Variants in RAB31 observed in about 807,000 individuals in gnomAD.
RAB31 encodes the protein ras-related protein Rab-31.
Under a neutral mutation model 25.6 loss-of-function variants are expected in RAB31, and 21 were observed. That is an observed-to-expected ratio of 0.82 (90% confidence interval 0.58 to 1.18). The LOEUF (loss-of-function observed/expected upper bound fraction) is 1.18. RAB31 is among the 50% of genes most tolerant of loss of function. The pLI, the probability that RAB31 is intolerant of heterozygous loss-of-function variation, is 0.00. For missense variants in RAB31, 196 were observed against 250.1 expected, an observed-to-expected ratio of 0.78 and a Z score of 1.46; for synonymous variants, 87 against 84.0, an observed-to-expected ratio of 1.04 and a Z score of -0.20.
intron 1 of RAB31, among the ~76,000 whole-genome samples, chr18:9,727,408 G>A (rs28597876): frequency 0.072 from 11,009 of 152,176 alleles, 1,334 homozygotes; most frequent in African/African-American, 0.25. Context: ...CCTCAAACTC[G>A]CAGGCTCACA....
rs1364254253 is a variant in RAB31, at chr18:9,861,534, G to T, written c.*2209G>T. The T allele has an allele frequency of 6.6e-6, 1 of 152,140 alleles. No homozygotes were observed. The highest frequency in any genetic ancestry group is 6.6e-5 in the Admixed American group (1 of 15,258). 9.4% of individuals were successfully genotyped at this position (152,140 alleles called of 1,614,324 possible). A position where few individuals can be genotyped will look rare whatever the true frequency, so the allele number is the denominator to read the frequency against. On this transcript the variant is annotated 3_prime_UTR_variant, in exon 7 of 7. Transcript: ENST00000578921. ...GCACACCAGGATTCACATAAACATT[G>T]TATCTTCTCTGTGGATGCTCAGGCC...
chr18:9,804,123 A>G (rs1254890575), intron 3 of RAB31, among the ~76,000 whole-genome samples: 1 of 152,222 alleles, frequency 6.6e-6, no homozygotes, highest in African/African-American at 2.4e-5. Flanking sequence ...CTGCGTGGAC[A>G]GGCTTCTTCT....
chr18:9,829,652 G>A (rs942843836), intron 5 of RAB31, among the ~76,000 whole-genome samples: 74 of 152,226 alleles, frequency 4.9e-4, no homozygotes, highest in African/African-American at 1.6e-3. Context: ...TATGCCAATC[G>A]TGTGTGAGAC....
intron 3 of RAB31, among the ~76,000 whole-genome samples, chr18:9,798,211 T>C (rs2068495997): frequency 6.6e-6 from 1 of 152,138 alleles, no homozygotes; most frequent in African/African-American, 2.4e-5. Context: ...TTGTGGAGAG[T>C]GTGTGACTGA....
intron 1 of RAB31, among the ~76,000 whole-genome samples, chr18:9,751,867 C>T (rs765070412): frequency 1.8e-4 from 27 of 152,180 alleles, no homozygotes; most frequent in Non-Finnish European, 3.5e-4. Context: ...GAGAGAACAT[C>T]AGAGGGTCAC....
chr18:9,757,741 G>A (rs2068267243), intron 1 of RAB31, among the ~76,000 whole-genome samples: 2 of 152,234 alleles, frequency 1.3e-5, no homozygotes, highest in Non-Finnish European at 2.9e-5. Context: ...TTTGGGGAAT[G>A]TGCAGGAATG....
At chr18:9,807,428 C>T (rs1166028700) in intron 3 of RAB31, among the ~76,000 whole-genome samples, 1 of 151,962 alleles carries the variant, frequency 6.6e-6, no homozygotes, top group Non-Finnish European at 1.5e-5. Flanking sequence ...GCTTTCCCCG[C>T]AAATGCATAT....
chr18:9,759,642 G>A (rs1423141523), intron 1 of RAB31, among the ~76,000 whole-genome samples: 1 of 152,132 alleles, frequency 6.6e-6, no homozygotes, highest in African/African-American at 2.4e-5. Flanking sequence ...CAGAGGTGTG[G>A]TGATGAGGAC....
At chr18:9,769,280 T>C (rs1453646575) in intron 1 of RAB31, among the ~76,000 whole-genome samples, 4 of 152,228 alleles carry the variant, frequency 2.6e-5, no homozygotes, top group South Asian at 2.1e-4. Context: ...ATAAATTACT[T>C]TGGGCAGTAT....
At chr18:9,726,548 C>T (rs965742381) in intron 1 of RAB31, among the ~76,000 whole-genome samples, 1 of 152,112 alleles carries the variant, frequency 6.6e-6, no homozygotes. Flanking sequence ...GCCTCTTCTC[C>T]CAGACTGTTT....
At chr18:9,823,660 TG>T (rs1422917257) in intron 5 of RAB31, among the ~76,000 whole-genome samples, 11 of 152,190 alleles carry the variant, frequency 7.2e-5, no homozygotes, top group Admixed American at 4.6e-4. Context: ...GGTGAGGGTA[TG>T]TGTGATACAT....
chr18:9,728,662 C>T (rs1157682448), intron 1 of RAB31, among the ~76,000 whole-genome samples: 6 of 152,048 alleles, frequency 3.9e-5, no homozygotes, highest in African/African-American at 1.4e-4. Context: ...CTCAGCCTAC[C>T]GAGTAGCTGG....
chr18:9,792,051 C>CT lies in RAB31; in HGVS notation c.120-98dup, dbSNP rs35606686. On this transcript the variant is annotated intron_variant, in intron 2 of 6. Coordinates refer to ENST00000578921, the MANE Select transcript of RAB31 (RefSeq NM_006868.4). ...TCTTAGTGGTTCCCAAGGACCAGGG[C>CT]TTTTTGGGGTCCTGCTGAGGTGTAG... 7.6e-6 allele frequency: 11 copies of CT among 1,452,980 alleles called. No individual in the cohort carries two copies. In the African/African-American group the frequency reaches 9.9e-5, roughly 13 times the overall value. The allele number at this position is 1,452,980 out of a possible 1,614,324, so 90.0% of individuals were successfully genotyped here.
At chr18:9,836,993 C>T (rs1389549044) in intron 5 of RAB31, among the ~76,000 whole-genome samples, 4 of 146,906 alleles carry the variant, frequency 2.7e-5, no homozygotes, top group Admixed American at 2.0e-4. Flanking sequence ...CGGGGTGAAA[C>T]ACAAAGGGGA....
chr18:9,806,025 A>ATT (rs1352275369), intron 3 of RAB31, among the ~76,000 whole-genome samples: 7 of 149,402 alleles, frequency 4.7e-5, no homozygotes, highest in Non-Finnish European at 6.0e-5. Context: ...AAATACAAAA[A>ATT]AAGTAGCCAG....
At chr18:9,779,157 ACT>A (rs1360865610) in intron 2 of RAB31, among the ~76,000 whole-genome samples, 2 of 152,082 alleles carry the variant, frequency 1.3e-5, no homozygotes, top group Non-Finnish European at 2.9e-5. Flanking sequence ...GTCTATGGAA[ACT>A]CTCTGCACTT....
At chr18:9,786,861 G>A (rs938793030) in intron 2 of RAB31, 1 of 152,602 alleles carries the variant, frequency 6.6e-6, no homozygotes, top group African/African-American at 2.4e-5. Flanking sequence ...TTGGAAAGAC[G>A]TGAAGCCATG....
intron 1 of RAB31, among the ~76,000 whole-genome samples, chr18:9,746,776 T>C (rs2068208015): frequency 6.6e-6 from 1 of 152,212 alleles, no homozygotes; most frequent in African/African-American, 2.4e-5. Flanking sequence ...CAATTCAAAA[T>C]GCTCAATGAC....
chr18:9,804,358 G>C (rs558013082), intron 3 of RAB31, among the ~76,000 whole-genome samples: 4 of 152,300 alleles, frequency 2.6e-5, no homozygotes, highest in Admixed American at 2.6e-4. Context: ...GGGATGCCCT[G>C]AGTAGCTTCT....
Sources: allele counts gnomAD v4.1 joint callset (sites outside exome capture counted in the v4.1 genomes callset), GRCh38; gene constraint gnomAD v4.1.1; transcripts MANE v1.5; gene names NCBI Gene and HGNC (gene_info 2026-07-23, HGNC 2026-07-21).